GRAP2: variants seen among roughly 807,000 people sequenced by gnomAD.
GRAP2 encodes the protein GRB2-related adapter protein 2.
Under a neutral mutation model 43.5 loss-of-function variants are expected in GRAP2, and 31 were observed. The ratio of observed to expected loss-of-function variants is 0.71; its 90% confidence interval spans 0.54 to 0.96. The LOEUF is 0.96. Ranked by LOEUF, GRAP2 falls within the 40% of genes least tolerant of loss-of-function variation. GRAP2 has a pLI of 0.00. For synonymous variants in GRAP2, 156 were observed against 164.8 expected, an observed-to-expected ratio of 0.95 and a Z score of 0.41; for missense variants, 371 against 424.4, an observed-to-expected ratio of 0.87 and a Z score of 1.11.
chr22:39,933,724 C>T (rs1446572393), intron 1 of GRAP2, among the ~76,000 whole-genome samples: 1 of 151,774 alleles, frequency 6.6e-6, no homozygotes, highest in Admixed American at 6.6e-5. Context: ...ACCTGTAATC[C>T]CAGCTCCTCA....
intron 1 of GRAP2, among the ~76,000 whole-genome samples, chr22:39,925,611 T>G (rs887406977): frequency 1.2e-4 from 18 of 152,338 alleles, no homozygotes; most frequent in Admixed American, 9.1e-4. Flanking sequence ...CAGATCTTCC[T>G]GTGCTCCAGC....
At chr22:39,908,502 G>A (rs548217472) in intron 1 of GRAP2, among the ~76,000 whole-genome samples, 1 of 152,304 alleles carries the variant, frequency 6.6e-6, no homozygotes, top group African/African-American at 2.4e-5. Context: ...CTTATTTTGG[G>A]CTGATAGATC....
chr22:39,928,427 C>G (rs1419786543), intron 1 of GRAP2, among the ~76,000 whole-genome samples: 1 of 152,234 alleles, frequency 6.6e-6, no homozygotes, highest in African/African-American at 2.4e-5. Flanking sequence ...GCTTTTGTCT[C>G]CTTGAAGCAC....
intron 1 of GRAP2, among the ~76,000 whole-genome samples, chr22:39,929,057 C>T (rs2066731620): frequency 6.6e-6 from 1 of 152,214 alleles, no homozygotes; most frequent in Admixed American, 6.5e-5. Flanking sequence ...AACATTACAT[C>T]TCACAGATTT....
chr22:39,930,259 A>C (rs925810791), intron 1 of GRAP2, among the ~76,000 whole-genome samples: 4 of 152,152 alleles, frequency 2.6e-5, no homozygotes, highest in Non-Finnish European at 5.9e-5. Context: ...GCCCCCTTCC[A>C]ACTGGTCATA....
intron 1 of GRAP2, among the ~76,000 whole-genome samples, chr22:39,904,257 A>G (rs1422233795): frequency 2.0e-5 from 3 of 152,146 alleles, no homozygotes; most frequent in African/African-American, 7.2e-5. Flanking sequence ...GCATGATGGC[A>G]GGCGCCTGTA....
At position 39,972,684 on chromosome 22, in the gene GRAP2, C is replaced by G. The variant is rs1445765647; in HGVS notation, c.*1600C>G. On this transcript the variant is annotated 3_prime_UTR_variant, in exon 8 of 8. Transcript: ENST00000344138. Reference sequence around the variant, plus strand: ...GTAGCACAAGCAGTGTCCCTTGTGACTGTGATTCTACAGTTCTCTGATCCT... The same window carrying G: ...GTAGCACAAGCAGTGTCCCTTGTGAGTGTGATTCTACAGTTCTCTGATCCT... The G allele has an allele frequency of 2.6e-5, 4 of 152,190 alleles. No individual in the cohort carries two copies. Among genetic ancestry groups the G allele is most frequent in the African/African-American group, 9.7e-5 (4 of 41,428 alleles). 9.4% of individuals were successfully genotyped at this position (152,190 alleles called of 1,614,324 possible).
At chr22:39,897,163 C>A (rs954641397), upstream of GRAP2, among the ~76,000 whole-genome samples, 1 of 152,180 alleles carries the variant, frequency 6.6e-6, no homozygotes, top group African/African-American at 2.4e-5. Flanking sequence ...GACCTCTACT[C>A]CTGGTCTTGC....
chr22:39,958,188 G>A (rs1463137024), intron 3 of GRAP2, among the ~76,000 whole-genome samples: 3 of 151,990 alleles, frequency 2.0e-5, no homozygotes, highest in Non-Finnish European at 4.4e-5. Context: ...TCCTTCCTCC[G>A]GTTGTCCTCC....
intron 1 of GRAP2, among the ~76,000 whole-genome samples, chr22:39,920,192 G>T (rs1375946156): frequency 6.6e-6 from 1 of 152,130 alleles, no homozygotes; most frequent in Admixed American, 6.5e-5. Context: ...TCCCAAGAGG[G>T]TCCATCTGCC....
At chr22:39,925,403 T>C (rs997746535) in intron 1 of GRAP2, among the ~76,000 whole-genome samples, 1 of 152,204 alleles carries the variant, frequency 6.6e-6, no homozygotes, top group Non-Finnish European at 1.5e-5. Flanking sequence ...TCCTGTGTGC[T>C]GCTTGGAACC....
rs971767656 is a variant in GRAP2, at chr22:39,914,425, A to G, written c.-15+13095A>G. On this transcript the variant is annotated intron_variant, in intron 1 of 7. Coordinates refer to ENST00000344138, the MANE Select transcript of GRAP2 (RefSeq NM_004810.4). ...CTCTAATGTGAATTTAGCTCTAAAT[A>G]AAACTAGGATAAATGCATTTGTTCA... Among the ~76,000 whole-genome samples the G allele has an allele frequency of 2.1e-4, 32 of 152,350 alleles. 3 individuals are homozygous for G. Among genetic ancestry groups the G allele is most frequent in the Admixed American group, 1.7e-3 (26 of 15,304 alleles).
intron 5 of GRAP2, 67 bp downstream of exon 5, chr22:39,966,225 C>A: frequency 7.7e-7 from 1 of 1,300,758 alleles, no homozygotes; most frequent in Non-Finnish European, 1.1e-6. Flanking sequence ...ACATGAACCA[C>A]CAGGAAAAAT....
chr22:39,935,424 A>T (rs1341748530), intron 1 of GRAP2, among the ~76,000 whole-genome samples: 1 of 152,200 alleles, frequency 6.6e-6, no homozygotes, highest in Non-Finnish European at 1.5e-5. Context: ...TTTAATCAAA[A>T]CTGGCAAGTA....
rs138010 is a variant in GRAP2, at chr22:39,968,458, A to AACACACAC, written c.690+201_690+208dup. Reference sequence around the variant, plus strand: ...CTATGAATTAAATGGCTCCCACCTGAACACACACACACACACACACACTGT... The same window carrying AACACACAC: ...CTATGAATTAAATGGCTCCCACCTGAACACACACACACACACACACACACACACACTGT... On this transcript the variant is annotated intron_variant, in intron 6 of 7. Transcript: ENST00000344138. 1.6e-3 allele frequency: 859 copies of AACACACAC among 523,988 alleles called. 8 individuals carry two copies. Among genetic ancestry groups the AACACACAC allele is most frequent in the African/African-American group, 0.016 (801 of 51,102 alleles). The allele number at this position is 523,988 out of a possible 1,614,324, so 32.5% of individuals were successfully genotyped here.
At chr22:39,961,678 T>C (rs2067121452) in intron 4 of GRAP2, among the ~76,000 whole-genome samples, 1 of 152,246 alleles carries the variant, frequency 6.6e-6, no homozygotes, top group Admixed American at 6.5e-5. Flanking sequence ...GCAAGTCACG[T>C]ATCAGACTTC....
upstream of GRAP2, among the ~76,000 whole-genome samples, chr22:39,898,795 C>T (rs1267716679): frequency 2.6e-5 from 4 of 151,954 alleles, no homozygotes; most frequent in Non-Finnish European, 5.9e-5. Flanking sequence ...CCTGGGCAAC[C>T]GAGCGAGACT....
chr22:39,909,499 G>A (rs570235629), intron 1 of GRAP2, among the ~76,000 whole-genome samples: 81 of 152,250 alleles, frequency 5.3e-4, no homozygotes, highest in African/African-American at 1.9e-3. Flanking sequence ...GTAATGCTTC[G>A]TCTTGTAGAT....
chr22:39,923,618 A>T (rs1167421780), intron 1 of GRAP2, among the ~76,000 whole-genome samples: 1 of 152,208 alleles, frequency 6.6e-6, no homozygotes, highest in African/African-American at 2.4e-5. Flanking sequence ...TTGACTCCCA[A>T]TTATCGAGTA....
Sources: gnomAD v4.1 joint callset for allele counts (sites outside exome capture counted in the v4.1 genomes callset) on GRCh38, gnomAD v4.1.1 for gene constraint, MANE v1.5 for transcripts, NCBI Gene and HGNC (gene_info 2026-07-23, HGNC 2026-07-21) for gene names.